AIMP2: variants seen among roughly 807,000 people sequenced by gnomAD.
AIMP2 encodes the protein aminoacyl tRNA synthetase complex interacting multifunctional protein 2, also known as aminoacyl tRNA synthase complex-interacting multifunctional protein 2.
Under a neutral mutation model 23.4 loss-of-function variants are expected in AIMP2, and 20 were observed. The observed-to-expected ratio is 0.85, with a 90% confidence interval of 0.60 to 1.24. AIMP2 has a LOEUF of 1.24. Among genes scored for constraint, AIMP2 ranks in the 50% most tolerant of loss-of-function variants. The probability of loss-of-function intolerance (pLI) is 0.00; values close to 1 mark genes in which losing one functional copy is unlikely to be tolerated. For synonymous variants in AIMP2, 210 were observed against 170.4 expected (o/e 1.23, Z -1.81); for missense variants, 515 against 414.5 (o/e 1.24, Z -2.10).
intron 3 of AIMP2, among the ~76,000 whole-genome samples, chr7:6,021,483 T>C (rs1190102185): frequency 1.3e-5 from 2 of 152,112 alleles, no homozygotes; most frequent in East Asian, 3.9e-4. Flanking sequence ...GAGAAACCTG[T>C]GTCCAGATGT....
In AIMP2 at chr7:6,017,894, G is replaced by A. The variant is rs762290684; in HGVS notation, c.423G>A (p.Leu141=). The A allele has an allele frequency of 1.9e-6, 3 of 1,613,990 alleles. No homozygotes were observed. In the African/African-American group the frequency reaches 4.0e-5, roughly 22 times the overall value. Residue 141 remains leucine (L), a synonymous_variant, in exon 3 of 4, where the codon CTG becomes CTA. Coordinates refer to ENST00000223029, the MANE Select transcript of AIMP2 (RefSeq NM_006303.4). ...PPLSLLVLHR[L]LCEHFRVLST... ...TCTCCCTGCTTGTGCTGCACAGGCT[G>A]CTCTGTGAGCACTTCAGGGTCCTGT...
At chr7:6,014,015 C>A (rs574879058) in intron 1 of AIMP2, among the ~76,000 whole-genome samples, 1 of 151,920 alleles carries the variant, frequency 6.6e-6, no homozygotes, top group East Asian at 1.9e-4. Flanking sequence ...CATGGACGTG[C>A]TTCCAAGCTA....
intron 3 of AIMP2, among the ~76,000 whole-genome samples, chr7:6,018,436 C>G (rs909307232): frequency 2.6e-5 from 4 of 151,574 alleles, no homozygotes; most frequent in Non-Finnish European, 4.4e-5. Flanking sequence ...GCGTGAGCCA[C>G]CAGGCCCGGG....
chr7:6,018,146 CTTT>C (rs371698854), intron 3 of AIMP2, 101 bp downstream of exon 3: 46,952 of 575,406 alleles, frequency 0.082, 3 homozygotes, highest in East Asian at 0.14. Flanking sequence ...TTTTCTTTTT[CTTT>C]TTTTTTTTTT....
intron 1 of AIMP2, among the ~76,000 whole-genome samples, chr7:6,010,416 A>G (rs1006855711): frequency 1.3e-5 from 2 of 148,568 alleles, no homozygotes; most frequent in African/African-American, 2.5e-5. Flanking sequence ...TTTGTCAACT[A>G]TTTATCCCTA....
At chr7:6,018,189 C>T in intron 3 of AIMP2, 144 bp downstream of exon 3, 1 of 695,056 alleles carries the variant, frequency 1.4e-6, no homozygotes, top group Admixed American at 3.0e-5. Context: ...CTCTGTCACC[C>T]AGGCTGGAGT....
chr7:6,017,437 C>T (rs73331344), intron 2 of AIMP2, among the ~76,000 whole-genome samples: 51,055 of 151,078 alleles, frequency 0.34, 9,375 homozygotes, highest in Non-Finnish European at 0.41. Context: ...GCAGGAGAAT[C>T]GCTTGAACCT....
chr7:6,023,593 G>A lies in AIMP2; in HGVS notation c.865G>A (p.Gly289Arg), dbSNP rs745445513. The A allele has an allele frequency of 4.9e-5, 79 of 1,614,070 alleles. No homozygotes were observed. The highest frequency in any genetic ancestry group is 3.6e-4 in the South Asian group (33 of 91,088). The stretch of plus-strand genomic sequence containing the variant: ...GCTGTGGTCTGTACTCCAGCAGATC[G>A]GAGGCTGCAGTGTGACAGTGCCAGC... ...VVLWSVLQQI[G>R]GCSVTVPANV... Residue 289 changes from glycine (G) to arginine (R), a missense_variant, in exon 4 of 4, where the codon GGA becomes AGA. Physicochemically the swap from Gly to Arg is moderately radical, Grantham distance 125 (BLOSUM62 -2). Transcript: ENST00000223029.
chr7:6,013,768 C>T (rs1387913254), intron 1 of AIMP2, among the ~76,000 whole-genome samples: 4 of 152,110 alleles, frequency 2.6e-5, no homozygotes, highest in Non-Finnish European at 4.4e-5. Flanking sequence ...AGCAACATAG[C>T]GCAGTTCTTT....
chr7:6,023,728 G>C lies in AIMP2; in HGVS notation c.*37G>C. On this transcript the variant is annotated 3_prime_UTR_variant, in exon 4 of 4. Coordinates refer to ENST00000223029, the MANE Select transcript of AIMP2 (RefSeq NM_006303.4). ...TGATTTTAAAGGGTTTAGATTTTAA[G>C]AATGGTGCTCTTTCATGCCTATTAT... 2 of 1,614,078 alleles carry C rather than the reference G, an allele frequency of 1.2e-6. No individual in the cohort carries two copies. Among genetic ancestry groups the C allele is most frequent in the Non-Finnish European group, 1.7e-6 (2 of 1,179,992 alleles).
chr7:6,009,968 A>ATATACATATATATATATATATAT, intron 1 of AIMP2, among the ~76,000 whole-genome samples: 1 of 36,724 alleles, frequency 2.7e-5, no homozygotes, highest in African/African-American at 9.7e-5. Context: ...AAAAAAAAAA[A>ATATACATATATATATATATATAT]AAAAAAATAT....
intron 1 of AIMP2, 89 bp from the exon 2 acceptor site, chr7:6,015,057 G>C: frequency 6.3e-7 from 1 of 1,596,486 alleles, no homozygotes; most frequent in Non-Finnish European, 8.5e-7. Flanking sequence ...GGTTTGGTGA[G>C]TGCATGGCAA....
intron 1 of AIMP2, among the ~76,000 whole-genome samples, chr7:6,013,862 G>T (rs1786851757): frequency 2.0e-5 from 3 of 151,726 alleles, no homozygotes; most frequent in African/African-American, 7.3e-5. Context: ...AAGGCAGGAG[G>T]ATCACTTGAG....
chr7:6,015,129 G>T lies in AIMP2; in HGVS notation c.136-17G>T, dbSNP rs1170133127. 1 of 1,613,912 alleles carries T rather than the reference G, an allele frequency of 6.2e-7. No homozygotes were observed. Among genetic ancestry groups the T allele is most frequent in the East Asian group, 2.2e-5 (1 of 44,874 alleles). On this transcript the variant is annotated splice_polypyrimidine_tract_variant and intron_variant, in intron 1 of 3. Coordinates refer to ENST00000223029, the MANE Select transcript of AIMP2 (RefSeq NM_006303.4). ...TGATGGGAGAGGAAATGAACATTTG[G>T]CTGTTGGTTTGTTTAGGAAGAGTCT...
chr7:6,009,974 A>ATATATATATATATATAT (rs1554310935), intron 1 of AIMP2, among the ~76,000 whole-genome samples: 2 of 26,670 alleles, frequency 7.5e-5, no homozygotes, highest in Admixed American at 4.1e-4. Context: ...AAAAAAAAAA[A>ATATATATATATATATAT]ATATATATAT....
intron 3 of AIMP2, among the ~76,000 whole-genome samples, chr7:6,021,810 C>G (rs920629748): frequency 6.6e-6 from 1 of 152,156 alleles, no homozygotes; most frequent in African/African-American, 2.4e-5. Context: ...ATGATATAAG[C>G]ACTGAAACTA....
At chr7:6,015,041 G>A in intron 1 of AIMP2, 105 bp from the exon 2 acceptor site, 1 of 1,577,980 alleles carries the variant, frequency 6.3e-7, no homozygotes, top group Non-Finnish European at 8.6e-7. Context: ...CTTTTAAAGG[G>A]TGGGAGGTTT....
chr7:6,020,393 C>A (rs1454060058), intron 3 of AIMP2, among the ~76,000 whole-genome samples: 1 of 152,048 alleles, frequency 6.6e-6, no homozygotes, highest in Non-Finnish European at 1.5e-5. Flanking sequence ...TATACTCCAG[C>A]CTGGGCTACA....
chr7:6,009,521 C>T (rs1786381966), intron 1 of AIMP2, 23 bp downstream of exon 1: 1 of 1,451,168 alleles, frequency 6.9e-7, no homozygotes, highest in Admixed American at 3.0e-5. Flanking sequence ...GGCCCCCCGC[C>T]CAGTGCGCAC....
Sources: gnomAD v4.1 joint callset for allele counts (sites outside exome capture counted in the v4.1 genomes callset) on GRCh38, gnomAD v4.1.1 for gene constraint, MANE v1.5 for transcripts, NCBI Gene and HGNC (gene_info 2026-07-23, HGNC 2026-07-21) for gene names.